NIPA1: variants seen among roughly 807,000 people sequenced by gnomAD.
NIPA1 encodes NIPA magnesium transporter 1.
NIPA1 carries 13 observed loss-of-function variants against 23.9 expected under a neutral mutation model. That is an observed-to-expected ratio of 0.54 (90% CI 0.35 to 0.87). The LOEUF is 0.87. NIPA1 is among the 40% of genes least tolerant of loss of function. The pLI is 0.01. For missense variants in NIPA1, 362 were observed against 429.7 expected (o/e 0.84, Z 1.39); for synonymous variants, 234 against 202.9 (o/e 1.15, Z -1.30).
intron 1 of NIPA1, 114 bp downstream of exon 1, chr15:22,786,948 GC>G (rs1419745711): frequency 1.8e-6 from 1 of 570,108 alleles, no homozygotes. Context: ...CGGGGCCCGG[GC>G]CCAGGTTGGG....
chr15:22,810,383 C>G (rs558238734), intron 1 of NIPA1, among the ~76,000 whole-genome samples: 1 of 152,182 alleles, frequency 6.6e-6, no homozygotes, highest in Non-Finnish European at 1.5e-5. Flanking sequence ...AAATGGACTA[C>G]AGTAAATGCA....
chr15:22,811,466 A>C (rs1895314865), intron 2 of NIPA1, among the ~76,000 whole-genome samples: 1 of 152,092 alleles, frequency 6.6e-6, no homozygotes, highest in African/African-American at 2.4e-5. Flanking sequence ...TTACCTGGGC[A>C]TGGTGGGATG....
At position 22,823,772 on chromosome 15, in the gene NIPA1, C is replaced by T; in HGVS notation, c.523C>T (p.Leu175Phe). Residue 175 changes from leucine to phenylalanine, a missense_variant, in exon 5 of 5, where the codon CTC (leucine) becomes TTC (phenylalanine). Coordinates refer to ENST00000337435, the MANE Select transcript of NIPA1 (RefSeq NM_144599.5). ...LCIVLLMLLL[L>F]IFWIAPAHGP... ...CATCGTGCTGCTCATGCTGCTGCTG[C>T]TCATCTTCTGGATCGCGCCGGCCCA... The T allele has an allele frequency of 1.2e-6, 2 of 1,613,108 alleles. No individual in the cohort carries two copies. The highest frequency in any genetic ancestry group is 1.7e-5 in the Admixed American group (1 of 59,948).
chr15:22,814,163 T>C, intron 3 of NIPA1: 1 of 1,200,382 alleles, frequency 8.3e-7, no homozygotes, highest in Non-Finnish European at 1.1e-6. Context: ...AGTAAGACCT[T>C]TTCTTTTAAA....
At chr15:22,813,188 A>T (rs1479672193) in intron 3 of NIPA1, among the ~76,000 whole-genome samples, 2 of 152,142 alleles carry the variant, frequency 1.3e-5, no homozygotes, top group Non-Finnish European at 2.9e-5. Flanking sequence ...CCGGGCTGGC[A>T]TGGAGTGAAG....
chr15:22,800,274 A>G (rs1895048665), intron 1 of NIPA1, among the ~76,000 whole-genome samples: 1 of 152,096 alleles, frequency 6.6e-6, no homozygotes, highest in South Asian at 2.1e-4. Context: ...ATCCCAAGCA[A>G]ATTACCATTT....
intron 1 of NIPA1, among the ~76,000 whole-genome samples, chr15:22,810,407 C>CT (rs748842967): frequency 2.6e-4 from 39 of 152,268 alleles, no homozygotes; most frequent in Admixed American, 4.6e-4. Context: ...GAGAGTTGGA[C>CT]TTTAAAGACT....
intron 1 of NIPA1, among the ~76,000 whole-genome samples, chr15:22,802,985 C>G (rs1452095624): frequency 6.6e-6 from 1 of 151,860 alleles, no homozygotes; most frequent in Non-Finnish European, 1.5e-5. Flanking sequence ...GACAGAGACT[C>G]TTGCTCTGTC....
At position 22,829,736 on chromosome 15, in the gene NIPA1, A is replaced by G. The variant is rs1895717126; in HGVS notation, c.*5497A>G. ...TAAAAAGGCTATTAAGTTTTCCAGTAATATTTATTAATCTGTATGTGTTTT... is the reference window on the plus strand; with the variant it reads ...TAAAAAGGCTATTAAGTTTTCCAGTGATATTTATTAATCTGTATGTGTTTT... On this transcript the variant is annotated 3_prime_UTR_variant, in exon 5 of 5. Coordinates refer to ENST00000337435, the MANE Select transcript of NIPA1 (RefSeq NM_144599.5). 1 of 152,166 alleles carries G rather than the reference A, an allele frequency of 6.6e-6. No individual in the cohort carries two copies. Among genetic ancestry groups the G allele is most frequent in the Non-Finnish European group, 1.5e-5 (1 of 68,024 alleles). 9.4% of individuals were successfully genotyped at this position (152,166 alleles called of 1,614,324 possible).
intron 1 of NIPA1, among the ~76,000 whole-genome samples, chr15:22,792,509 C>T (rs1294331746): frequency 6.6e-6 from 1 of 152,086 alleles, no homozygotes; most frequent in Non-Finnish European, 1.5e-5. Flanking sequence ...CAGATGCCCG[C>T]CACCACACCC....
At chr15:22,809,765 C>T (rs1895282888) in intron 1 of NIPA1, among the ~76,000 whole-genome samples, 2 of 147,966 alleles carry the variant, frequency 1.4e-5, no homozygotes, top group African/African-American at 5.0e-5. Context: ...AAAGGCCAGG[C>T]GCGGTGGCTC....
intron 1 of NIPA1, among the ~76,000 whole-genome samples, chr15:22,790,784 G>A (rs1028874856): frequency 1.3e-5 from 2 of 151,984 alleles, no homozygotes; most frequent in Non-Finnish European, 2.9e-5. Flanking sequence ...AAATCTACTC[G>A]CCATAAAATC....
chr15:22,797,311 A>C lies in NIPA1; in HGVS notation c.178+10477A>C, dbSNP rs1218048676. Among the ~76,000 whole-genome samples the C allele has an allele frequency of 4.0e-5, 6 of 151,356 alleles. No homozygotes were observed. In the East Asian group the frequency reaches 1.2e-3, roughly 30 times the overall value. On this transcript the variant is annotated intron_variant, in intron 1 of 4. Transcript: ENST00000337435. ...TGCAAGCTCTGTCTCCCGGGTTCAC[A>C]CCATTCTCCTGCCTCAGCCTCCCAA...
intron 3 of NIPA1, chr15:22,814,055 A>G: frequency 8.4e-7 from 1 of 1,193,040 alleles, no homozygotes; most frequent in Non-Finnish European, 1.1e-6. Context: ...TCACTTCACC[A>G]GAAATGTTCA....
intron 1 of NIPA1, among the ~76,000 whole-genome samples, chr15:22,791,261 C>T (rs545551889): frequency 6.6e-6 from 1 of 151,982 alleles, no homozygotes; most frequent in Non-Finnish European, 1.5e-5. Flanking sequence ...TTGGAGTTTC[C>T]AATGTCTGTT....
At chr15:22,822,388 TGG>T (rs1472102666) in intron 4 of NIPA1, among the ~76,000 whole-genome samples, 2 of 152,102 alleles carry the variant, frequency 1.3e-5, no homozygotes, top group African/African-American at 4.8e-5. Flanking sequence ...CTCTGCCCAC[TGG>T]ATGCAGCCCC....
In NIPA1 at chr15:22,823,699, C is replaced by T. The variant is rs12592629; in HGVS notation, c.479-29C>T. On this transcript the variant is annotated intron_variant, in intron 4 of 4. Transcript: ENST00000337435. ...GGTTGCGGCTGCTAGGCGGTGGCTC[C>T]GGGTGACTGTGTGCTGTCTGTGTTC... 0.31 allele frequency: 487,066 copies of T among 1,579,548 alleles called. 76,876 individuals carry two copies. The highest frequency in any genetic ancestry group is 0.33 in the Non-Finnish European group (380,565 of 1,168,872).
chr15:22,788,919 TA>T (rs199860403), intron 1 of NIPA1, among the ~76,000 whole-genome samples: 1,708 of 78,836 alleles, frequency 0.022, 108 homozygotes, highest in African/African-American at 0.077. Flanking sequence ...GGCTCTGTCT[TA>T]AAAAAAAAAA....
chr15:22,804,602 C>T lies in NIPA1; in HGVS notation c.179-6147C>T, dbSNP rs114606099. ...CAGCTTTAGTGTTTAGCGTTAGGTC[C>T]GTAAGCCACGTTGAGTTACAGGATG... On this transcript the variant is annotated intron_variant, in intron 1 of 4. Transcript: ENST00000337435. Among the ~76,000 whole-genome samples, 1,093 of 152,152 alleles carry T rather than the reference C, an allele frequency of 7.2e-3. 19 individuals carry two copies. The highest frequency in any genetic ancestry group is 0.025 in the African/African-American group (1,032 of 41,502).
Sources: allele counts gnomAD v4.1 joint callset (sites outside exome capture counted in the v4.1 genomes callset), GRCh38; gene constraint gnomAD v4.1.1; transcripts MANE v1.5; gene names NCBI Gene and HGNC (gene_info 2026-07-23, HGNC 2026-07-21).